Variants in PPP1R13B observed in about 807,000 individuals in gnomAD.
PPP1R13B encodes protein phosphatase 1 regulatory subunit 13B.
Under a neutral mutation model 119.8 loss-of-function variants are expected in PPP1R13B, and 44 were observed. That is an observed-to-expected ratio of 0.37 (90% CI 0.29 to 0.47). The LOEUF is 0.47. Ranked by LOEUF, PPP1R13B falls within the 20% of genes least tolerant of loss-of-function variation. The probability of loss-of-function intolerance (pLI) is 0.99; values close to 1 mark genes in which losing one functional copy is unlikely to be tolerated. For missense variants in PPP1R13B, 1,227 were observed against 1,413.5 expected (o/e 0.87, Z 2.12); for synonymous variants, 542 against 561.5 (o/e 0.97, Z 0.49).
intron 9 of PPP1R13B, among the ~76,000 whole-genome samples, chr14:103,743,126 C>A (rs1056601294): frequency 2.6e-5 from 4 of 152,206 alleles, no homozygotes; most frequent in African/African-American, 9.7e-5. Flanking sequence ...TGGGGCTGCA[C>A]CCTATTTTAA....
intron 1 of PPP1R13B, among the ~76,000 whole-genome samples, chr14:103,844,206 G>A (rs540257587): frequency 5.3e-5 from 8 of 152,002 alleles, no homozygotes; most frequent in Non-Finnish European, 8.8e-5. Context: ...GGCGGAGGTC[G>A]CCGTAAGCTG....
chr14:103,803,887 C>A (rs1236873918), intron 1 of PPP1R13B, among the ~76,000 whole-genome samples: 2 of 152,168 alleles, frequency 1.3e-5, no homozygotes, highest in African/African-American at 4.8e-5. Flanking sequence ...CTGAGAAAGA[C>A]TGGAACCAAT....
At chr14:103,750,957 C>T (rs1341421539) in intron 7 of PPP1R13B, among the ~76,000 whole-genome samples, 1 of 151,936 alleles carries the variant, frequency 6.6e-6, no homozygotes, top group East Asian at 1.9e-4. Flanking sequence ...AGTTCGAGAC[C>T]AGCCTGGCCA....
Position 103,754,211 on chromosome 14 carries a change from GCTC to G in PPP1R13B, c.487_489del (p.Glu163del). ...TCAGAAATAGACTGCTGCTGACGGC[GCTC>G]CTGTTGCTTTAGAAAATGTAAACGC... On this transcript the variant is annotated inframe_deletion, in exon 6 of 17. Transcript: ENST00000202556. 6.2e-7 allele frequency: 1 copy of G among 1,612,726 alleles called. No homozygotes were observed. The highest frequency in any genetic ancestry group is 1.1e-5 in the South Asian group (1 of 90,862).
chr14:103,775,188 G>A (rs1170571641), intron 4 of PPP1R13B, among the ~76,000 whole-genome samples: 4 of 151,820 alleles, frequency 2.6e-5, no homozygotes, highest in East Asian at 3.9e-4. Flanking sequence ...TTCAACACAC[G>A]GCCTACTCAA....
chr14:103,764,511 T>C (rs2084891850), intron 4 of PPP1R13B: 1 of 359,406 alleles, frequency 2.8e-6, no homozygotes, highest in Non-Finnish European at 5.6e-6. Flanking sequence ...AAATAAATTA[T>C]TATAGAAGTA....
intron 4 of PPP1R13B, among the ~76,000 whole-genome samples, chr14:103,764,979 C>T (rs1252467038): frequency 4.6e-5 from 7 of 152,100 alleles, no homozygotes; most frequent in African/African-American, 1.2e-4. Flanking sequence ...CCACCACGCC[C>T]GGCTAATCTT....
At chr14:103,796,592 C>G (rs958900477) in intron 2 of PPP1R13B, among the ~76,000 whole-genome samples, 1 of 152,112 alleles carries the variant, frequency 6.6e-6, no homozygotes, top group Non-Finnish European at 1.5e-5. Flanking sequence ...AGGTTAAACA[C>G]GAATTACCAT....
chr14:103,797,316 A>AAT, intron 2 of PPP1R13B, 55 bp downstream of exon 2: 1 of 1,504,804 alleles, frequency 6.6e-7, no homozygotes, highest in Admixed American at 2.1e-5. Flanking sequence ...GCTTAGCTAA[A>AAT]AGATGGTGAT....
intron 1 of PPP1R13B, among the ~76,000 whole-genome samples, chr14:103,799,425 G>A (rs574682051): frequency 4.6e-5 from 7 of 152,072 alleles, no homozygotes; most frequent in South Asian, 2.1e-4. Context: ...TGATCCGCCC[G>A]CCTTGGCCTC....
chr14:103,759,960 T>C (rs2084765794), intron 4 of PPP1R13B, among the ~76,000 whole-genome samples: 1 of 152,244 alleles, frequency 6.6e-6, no homozygotes, highest in Non-Finnish European at 1.5e-5. Flanking sequence ...TTGTATCTTA[T>C]ACATCAACTT....
intron 3 of PPP1R13B, among the ~76,000 whole-genome samples, chr14:103,780,285 C>T (rs1014358242): frequency 1.3e-5 from 2 of 150,556 alleles, no homozygotes; most frequent in African/African-American, 2.4e-5. Flanking sequence ...CAGGAGTTCA[C>T]GACCAGCCTG....
intron 2 of PPP1R13B, among the ~76,000 whole-genome samples, chr14:103,786,640 C>CTGTA (rs1181546435): frequency 6.6e-6 from 1 of 151,810 alleles, no homozygotes; most frequent in Non-Finnish European, 1.5e-5. Flanking sequence ...TGGCAGGCAC[C>CTGTA]TGTAGTCCCA....
At chr14:103,769,232 C>T (rs996264651) in intron 4 of PPP1R13B, among the ~76,000 whole-genome samples, 2 of 151,658 alleles carry the variant, frequency 1.3e-5, no homozygotes, top group South Asian at 2.1e-4. Flanking sequence ...ATCACAGGTG[C>T]GTGCCACCAT....
intron 6 of PPP1R13B, among the ~76,000 whole-genome samples, 189 bp from the exon 7 acceptor site, chr14:103,753,385 A>T (rs2084596359): frequency 6.6e-6 from 1 of 152,204 alleles, no homozygotes; most frequent in African/African-American, 2.4e-5. Context: ...TAAAGCAAAC[A>T]ATTATATTTG....
At chr14:103,803,721 A>C (rs1187822415) in intron 1 of PPP1R13B, among the ~76,000 whole-genome samples, 1 of 152,212 alleles carries the variant, frequency 6.6e-6, no homozygotes, top group Non-Finnish European at 1.5e-5. Context: ...AGGAAAACAA[A>C]AATTTCTAAT....
At chr14:103,777,813 AAAAC>A (rs1164536645) in intron 4 of PPP1R13B, among the ~76,000 whole-genome samples, 1 of 151,736 alleles carries the variant, frequency 6.6e-6, no homozygotes, top group African/African-American at 2.4e-5. Context: ...AAAAAAAAAA[AAAAC>A]AGGGTCTTAC....
At chr14:103,746,968 G>A (rs2151972734) in intron 8 of PPP1R13B, 1 of 155,292 alleles carries the variant, frequency 6.4e-6, no homozygotes, top group South Asian at 2.0e-4. Context: ...CTCAGCCTCT[G>A]TGCTCACACC....
chr14:103,735,934 C>A, intron 16 of PPP1R13B, 69 bp downstream of exon 16: 1 of 1,537,442 alleles, frequency 6.5e-7, no homozygotes, highest in Non-Finnish European at 8.9e-7. Flanking sequence ...AGCCCCACAG[C>A]AGGATAGGAC....
Sources: allele counts gnomAD v4.1 joint callset (sites outside exome capture counted in the v4.1 genomes callset), GRCh38; gene constraint gnomAD v4.1.1; transcripts MANE v1.5; gene names NCBI Gene and HGNC (gene_info 2026-07-23, HGNC 2026-07-21).